The following CAMTA1 variants were observed in gnomAD, a reference collection of about 807,000 sequenced individuals.
CAMTA1 encodes the protein calmodulin binding transcription activator 1, also known as calmodulin-binding transcription activator 1.
CAMTA1 carries 27 observed loss-of-function variants against 170.9 expected under a neutral mutation model. The ratio of observed to expected loss-of-function variants is 0.16; its 90% CI spans 0.12 to 0.22. The LOEUF (loss-of-function observed/expected upper bound fraction) is 0.22. Ranked by LOEUF, CAMTA1 falls within the 10% of genes least tolerant of loss-of-function variation. The probability of loss-of-function intolerance (pLI) is 1.00; values close to 1 mark genes in which losing one functional copy is unlikely to be tolerated. For missense variants in CAMTA1, 1,619 were observed against 2,217.2 expected, an observed-to-expected ratio of 0.73 and a Z score of 5.42; for synonymous variants, 833 against 891.5, an observed-to-expected ratio of 0.93 and a Z score of 1.17.
chr1:7,378,731 A>G (rs2087037461), intron 5 of CAMTA1, among the ~76,000 whole-genome samples: 1 of 152,080 alleles, frequency 6.6e-6, no homozygotes, highest in Non-Finnish European at 1.5e-5. Context: ...TACACTTTAA[A>G]ATGGTGAATT....
chr1:7,137,754 C>T (rs1645625779), intron 4 of CAMTA1, among the ~76,000 whole-genome samples: 2 of 152,154 alleles, frequency 1.3e-5, no homozygotes, highest in African/African-American at 4.8e-5. Context: ...GGCAATGCCT[C>T]AAATGTCACC....
chr1:7,586,539 A>AG (rs962350489), intron 6 of CAMTA1, among the ~76,000 whole-genome samples: 3 of 152,140 alleles, frequency 2.0e-5, no homozygotes, highest in African/African-American at 4.8e-5. Flanking sequence ...GCCCTGCTCC[A>AG]GGGCCCAGGC....
chr1:6,871,947 C>G (rs1469323024), intron 3 of CAMTA1: 1 of 1,291,910 alleles, frequency 7.7e-7, no homozygotes. Flanking sequence ...AATAGAGATA[C>G]CCCTTTGAGT....
chr1:7,179,013 A>G (rs1025530647), intron 4 of CAMTA1, among the ~76,000 whole-genome samples: 2 of 152,214 alleles, frequency 1.3e-5, no homozygotes, highest in African/African-American at 4.8e-5. Flanking sequence ...TATTGGCACA[A>G]TTGGTGCCCT....
intron 11 of CAMTA1, among the ~76,000 whole-genome samples, chr1:7,722,863 G>A (rs1440244234): frequency 5.9e-5 from 9 of 152,162 alleles, no homozygotes; most frequent in Admixed American, 5.2e-4. Flanking sequence ...CAGGCAGGAG[G>A]ATAGCTTGAG....
chr1:7,061,448 C>T (rs1408724618), intron 3 of CAMTA1, among the ~76,000 whole-genome samples: 5 of 152,178 alleles, frequency 3.3e-5, no homozygotes, highest in Non-Finnish European at 7.3e-5. Context: ...TTCTGAGTAG[C>T]GGCGTCTGTG....
chr1:7,327,952 G>T (rs966062030), intron 5 of CAMTA1, among the ~76,000 whole-genome samples: 2 of 150,152 alleles, frequency 1.3e-5, no homozygotes, highest in African/African-American at 4.9e-5. Context: ...CTGTTTGTTT[G>T]TTTTTTTTTC....
At chr1:7,112,499 G>A (rs1430549062) in intron 4 of CAMTA1, among the ~76,000 whole-genome samples, 1 of 152,176 alleles carries the variant, frequency 6.6e-6, no homozygotes, top group East Asian at 1.9e-4. Flanking sequence ...GCTGACCATG[G>A]CCGAGCCGAA....
chr1:7,648,053 C>G (rs1205787548), intron 7 of CAMTA1, among the ~76,000 whole-genome samples: 1 of 152,124 alleles, frequency 6.6e-6, no homozygotes, highest in Non-Finnish European at 1.5e-5. Flanking sequence ...CCACTGCACT[C>G]CAGCCTGGGT....
intron 7 of CAMTA1, among the ~76,000 whole-genome samples, chr1:7,652,959 G>A (rs1340289689): frequency 6.6e-6 from 1 of 152,168 alleles, no homozygotes; most frequent in Non-Finnish European, 1.5e-5. Context: ...TAATAAAATG[G>A]GATAATATAT....
Position 7,287,657 on chromosome 1 carries a change from G to A in CAMTA1, c.438+38031G>A, listed in dbSNP as rs113031389. On this transcript the variant is annotated intron_variant, in intron 5 of 22. Transcript: ENST00000303635. ...TCAGGCTAGGTTAGGCCACGTGCTGGTAATAAACAAGCCCTGGAATGCCAG... is the reference window on the plus strand; with the variant it reads ...TCAGGCTAGGTTAGGCCACGTGCTGATAATAAACAAGCCCTGGAATGCCAG... Among the ~76,000 whole-genome samples, 583 of 152,258 alleles carry A rather than the reference G, an allele frequency of 3.8e-3. 3 individuals are homozygous for A. The highest frequency in any genetic ancestry group is 7.6e-3 in the Non-Finnish European group (516 of 68,018).
At chr1:7,350,795 G>T (rs2084611678) in intron 5 of CAMTA1, among the ~76,000 whole-genome samples, 1 of 152,190 alleles carries the variant, frequency 6.6e-6, no homozygotes, top group Admixed American at 6.5e-5. Context: ...TATGCACCAT[G>T]CTTTGTACAA....
At chr1:7,525,588 T>C (rs2094422385) in intron 6 of CAMTA1, among the ~76,000 whole-genome samples, 2 of 152,058 alleles carry the variant, frequency 1.3e-5, no homozygotes, top group African/African-American at 2.4e-5. Flanking sequence ...ACTCTGAGCA[T>C]CATCAGGCCA....
rs1215862196 is a variant in CAMTA1 at position 7,456,881 on chromosome 1, G to A, written c.439-10949G>A. Among the ~76,000 whole-genome samples, 10 of 152,204 alleles carry A rather than the reference G, an allele frequency of 6.6e-5. No homozygotes were observed. The highest frequency in any genetic ancestry group is 6.5e-4 in the Admixed American group (10 of 15,290). On this transcript the variant is annotated intron_variant, in intron 5 of 22. Transcript: ENST00000303635. This position sits in a 1 kb window ranked among gnomAD's most constrained non-coding sequence, Gnocchi z 4.9. ...TCCTGGACGTGACCCTAAGCAGCAG[G>A]CGCTAGAGCTGACGAGAACAGCCCA...
chr1:6,893,417 G>A (rs1442114031), intron 3 of CAMTA1, among the ~76,000 whole-genome samples: 1 of 152,202 alleles, frequency 6.6e-6, no homozygotes, highest in African/African-American at 2.4e-5. Context: ...AGTTTCAGAT[G>A]TCACTTGAGA....
At chr1:7,091,476 T>A in intron 4 of CAMTA1, 105 bp downstream of exon 4, 2 of 834,230 alleles carry the variant, frequency 2.4e-6, no homozygotes, top group Non-Finnish European at 4.1e-6. Flanking sequence ...GAGTTGAAAA[T>A]GCCATGTTGT....
chr1:6,812,091 TC>T (rs1645234853), intron 1 of CAMTA1, among the ~76,000 whole-genome samples: 1 of 152,254 alleles, frequency 6.6e-6, no homozygotes, highest in African/African-American at 2.4e-5. Flanking sequence ...TGCTCGGTGT[TC>T]CTCAGTGGGA....
At chr1:7,048,645 C>G (rs1446404160) in intron 3 of CAMTA1, among the ~76,000 whole-genome samples, 1 of 152,212 alleles carries the variant, frequency 6.6e-6, no homozygotes, top group East Asian at 1.9e-4. Context: ...CCACCACCAC[C>G]TGTCCCTGAG....
intron 6 of CAMTA1, among the ~76,000 whole-genome samples, chr1:7,556,831 C>T (rs2094885236): frequency 6.6e-6 from 1 of 152,108 alleles, no homozygotes; most frequent in African/African-American, 2.4e-5. Context: ...AAAGGGCCAC[C>T]CCACTCAGAG....
Sources: allele counts gnomAD v4.1 joint callset (sites outside exome capture counted in the v4.1 genomes callset), GRCh38; gene constraint gnomAD v4.1.1; non-coding constraint Gnocchi (gnomAD v3.1); transcripts MANE v1.5; gene names NCBI Gene and HGNC (gene_info 2026-07-23, HGNC 2026-07-21).